B3GALT1: variants seen among roughly 807,000 people sequenced by gnomAD.
The protein encoded by B3GALT1 is UDP-Gal:betaGlcNAc beta 1,3-galactosyltransferase, polypeptide 1.
A neutral mutation model predicts 23.2 loss-of-function variants in B3GALT1; 10 were observed. The ratio of observed to expected loss-of-function variants is 0.43; its 90% CI spans 0.27 to 0.73. B3GALT1 has a LOEUF of 0.73. Ranked by LOEUF, B3GALT1 falls within the 30% of genes least tolerant of loss-of-function variation. The pLI is 0.21. For missense variants in B3GALT1, 299 were observed against 405.4 expected, an observed-to-expected ratio of 0.74 and a Z score of 2.25; for synonymous variants, 156 against 141.5, an observed-to-expected ratio of 1.10 and a Z score of -0.73.
At chr2:167,711,381 G>A (rs1229290818) in intron 3 of B3GALT1, among the ~76,000 whole-genome samples, 1 of 152,122 alleles carries the variant, frequency 6.6e-6, no homozygotes, top group African/African-American at 2.4e-5. Context: ...TCTGACAATA[G>A]CAGATATTCA....
intron 2 of B3GALT1, among the ~76,000 whole-genome samples, chr2:167,535,879 A>G (rs1221643277): frequency 6.6e-6 from 1 of 152,162 alleles, no homozygotes; most frequent in Non-Finnish European, 1.5e-5. Context: ...GTCTTATTCA[A>G]CAAAATTGGT....
At chr2:167,721,939 C>T (rs1409021721) in intron 3 of B3GALT1, among the ~76,000 whole-genome samples, 1 of 152,168 alleles carries the variant, frequency 6.6e-6, no homozygotes, top group Non-Finnish European at 1.5e-5. Context: ...TTGGAGGGTT[C>T]AATTATTTGT....
intron 2 of B3GALT1, among the ~76,000 whole-genome samples, chr2:167,583,095 T>A (rs1477030077): frequency 1.3e-5 from 2 of 152,190 alleles, no homozygotes; most frequent in African/African-American, 4.8e-5. Context: ...CAAGAACTCC[T>A]CTGCTCTCAG....
intron 1 of B3GALT1, among the ~76,000 whole-genome samples, chr2:167,375,581 A>T (rs867491350): frequency 8.0e-4 from 122 of 151,698 alleles, no homozygotes; most frequent in Middle Eastern, 3.4e-3. Context: ...ATTCCTAGGT[A>T]TTTTTTTTGT....
chr2:167,667,112 C>G (rs1008454551), intron 3 of B3GALT1, among the ~76,000 whole-genome samples: 3 of 151,918 alleles, frequency 2.0e-5, no homozygotes, highest in African/African-American at 7.3e-5. Flanking sequence ...CCATGTTTAG[C>G]ACTTCCTTCA....
At chr2:167,422,481 T>C (rs1390348282) in intron 1 of B3GALT1, among the ~76,000 whole-genome samples, 1 of 152,182 alleles carries the variant, frequency 6.6e-6, no homozygotes, top group Non-Finnish European at 1.5e-5. Context: ...TGCTGAAGCA[T>C]GGTTACATAG....
At chr2:167,392,627 A>G (rs912400609) in intron 1 of B3GALT1, among the ~76,000 whole-genome samples, 1 of 152,204 alleles carries the variant, frequency 6.6e-6, no homozygotes, top group Admixed American at 6.5e-5. Flanking sequence ...TATCTTTTAA[A>G]TCAAGTAAAA....
In B3GALT1 at chr2:167,363,530, A is replaced by G. The variant is rs150524039; in HGVS notation, c.-511+70196A>G. Among the ~76,000 whole-genome samples the G allele has an allele frequency of 3.7e-3, 559 of 151,806 alleles. 8 individuals are homozygous for G. Among genetic ancestry groups the G allele is most frequent in the African/African-American group, 0.013 (536 of 41,388 alleles). ...TACATCTCAAGTTGCATACATTCCT[A>G]CCTCATTTTCTATTTCACAAGGAGT... On this transcript the variant is annotated intron_variant, in intron 1 of 4. Coordinates refer to ENST00000392690, the MANE Select transcript of B3GALT1 (RefSeq NM_020981.4).
chr2:167,421,196 A>G (rs1559091429), intron 1 of B3GALT1, among the ~76,000 whole-genome samples: 2 of 152,230 alleles, frequency 1.3e-5, no homozygotes, highest in Non-Finnish European at 2.9e-5. Context: ...TTTCTAATGT[A>G]AATTAATTAA....
chr2:167,413,578 C>T (rs996693871), intron 1 of B3GALT1, among the ~76,000 whole-genome samples: 1 of 151,884 alleles, frequency 6.6e-6, no homozygotes, highest in African/African-American at 2.4e-5. Flanking sequence ...TGAATGCATT[C>T]TGTTCATCTA....
intron 3 of B3GALT1, among the ~76,000 whole-genome samples, chr2:167,753,128 A>G (rs1262285718): frequency 1.3e-5 from 2 of 152,220 alleles, no homozygotes; most frequent in African/African-American, 4.8e-5. Context: ...ATGGAAACTG[A>G]GAGCCCAAAT....
At chr2:167,356,409 G>A (rs1445435091) in intron 1 of B3GALT1, among the ~76,000 whole-genome samples, 1 of 152,094 alleles carries the variant, frequency 6.6e-6, no homozygotes, top group Non-Finnish European at 1.5e-5. Context: ...TGAAACTGTA[G>A]CATAAAGCAT....
intron 3 of B3GALT1, among the ~76,000 whole-genome samples, chr2:167,810,113 G>A (rs976367472): frequency 2.0e-5 from 3 of 151,140 alleles, no homozygotes; most frequent in Non-Finnish European, 4.4e-5. Context: ...CTGGTGTGCG[G>A]CTTGCTAAGA....
intron 4 of B3GALT1, among the ~76,000 whole-genome samples, chr2:167,867,126 C>T (rs980396779): frequency 1.3e-5 from 2 of 152,258 alleles, no homozygotes; most frequent in South Asian, 2.1e-4. Context: ...CGGGGTTTCA[C>T]CGTTTTAGCC....
At chr2:167,837,138 G>C (rs1376750193) in intron 4 of B3GALT1, among the ~76,000 whole-genome samples, 1 of 152,122 alleles carries the variant, frequency 6.6e-6, no homozygotes. Context: ...AAAATAACCA[G>C]CTAACATCAT....
chr2:167,592,290 C>A (rs998783372), intron 2 of B3GALT1, among the ~76,000 whole-genome samples: 4 of 152,166 alleles, frequency 2.6e-5, no homozygotes, highest in Non-Finnish European at 5.9e-5. Context: ...CTGCCCCAAT[C>A]ATGAAGTTTC....
At chr2:167,311,009 A>C (rs1214989792) in intron 1 of B3GALT1, among the ~76,000 whole-genome samples, 2 of 152,098 alleles carry the variant, frequency 1.3e-5, no homozygotes, top group Non-Finnish European at 2.9e-5. Context: ...AGTTTTCCTA[A>C]GGCAACTTAT....
intron 1 of B3GALT1, among the ~76,000 whole-genome samples, chr2:167,360,678 C>A (rs1212563300): frequency 6.6e-6 from 1 of 152,078 alleles, no homozygotes; most frequent in Non-Finnish European, 1.5e-5. Context: ...ATGTAATGAT[C>A]AAAGCAGGAT....
intron 2 of B3GALT1, among the ~76,000 whole-genome samples, chr2:167,612,367 T>TTTATTATTATTATTA (rs3062675): frequency 0.013 from 1,896 of 145,114 alleles, 28 homozygotes; most frequent in African/African-American, 0.036. Flanking sequence ...TTATTAGGCC[T>TTTATTATTATTATTA]TTATTATTAT....
Sources: gnomAD v4.1 joint callset for allele counts (sites outside exome capture counted in the v4.1 genomes callset) on GRCh38, gnomAD v4.1.1 for gene constraint, MANE v1.5 for transcripts, NCBI Gene and HGNC (gene_info 2026-07-23, HGNC 2026-07-21) for gene names.